AKAP19: variants seen among roughly 807,000 people sequenced by gnomAD.
AKAP19 encodes the protein A-kinase anchoring protein 19.
At chr2:190,148,051 C>T in the AKAP19 span, among the ~76,000 whole-genome samples, 231 of 152,070 alleles carry the variant, frequency 1.5e-3, 2 homozygotes, top group African/African-American at 4.5e-3. Context: ...GTGTTGAAGA[C>T]GAGTGGTGAG....
At chr2:189,980,832 G>C in the AKAP19 span, among the ~76,000 whole-genome samples, 1 of 152,128 alleles carries the variant, frequency 6.6e-6, no homozygotes, top group Non-Finnish European at 1.5e-5. Flanking sequence ...TTGTGGTTTT[G>C]AGAGTTCTTC....
At chr2:189,925,595 G>A in the AKAP19 span, among the ~76,000 whole-genome samples, 1 of 152,102 alleles carries the variant, frequency 6.6e-6, no homozygotes, top group Non-Finnish European at 1.5e-5. Context: ...TCATTTGTGG[G>A]TATGAATCTC....
At chr2:190,081,221 C>T in the AKAP19 span, among the ~76,000 whole-genome samples, 2 of 151,814 alleles carry the variant, frequency 1.3e-5, no homozygotes, top group Non-Finnish European at 2.9e-5. Flanking sequence ...CCCATCCCCC[C>T]ATCCCCTGCC....
At chr2:189,986,766 G>A in the AKAP19 span, among the ~76,000 whole-genome samples, 2 of 152,172 alleles carry the variant, frequency 1.3e-5, no homozygotes, top group East Asian at 1.9e-4. Flanking sequence ...GTCACTTTTA[G>A]TAATGTATTA....
At chr2:190,159,364 G>A in the AKAP19 span, among the ~76,000 whole-genome samples, 7 of 152,142 alleles carry the variant, frequency 4.6e-5, no homozygotes, top group Non-Finnish European at 7.3e-5. Context: ...TATTCTCACC[G>A]TCTATATAAT....
the AKAP19 span, among the ~76,000 whole-genome samples, chr2:189,938,595 T>C: frequency 6.6e-6 from 1 of 152,138 alleles, no homozygotes. Flanking sequence ...GTGGTGGGGA[T>C]GGTTAATGGT....
chr2:190,091,572 A>T, the AKAP19 span, among the ~76,000 whole-genome samples: 4 of 151,512 alleles, frequency 2.6e-5, no homozygotes, highest in African/African-American at 9.8e-5. Flanking sequence ...AAGTAGCCCA[A>T]ATAGAACCAT....
chr2:190,002,518 T>G, the AKAP19 span, among the ~76,000 whole-genome samples: 1 of 152,020 alleles, frequency 6.6e-6, no homozygotes, highest in Non-Finnish European at 1.5e-5. Context: ...ATAGTGCACA[T>G]GTACCCTAAA....
At chr2:190,105,974 A>G in the AKAP19 span, among the ~76,000 whole-genome samples, 24 of 152,378 alleles carry the variant, frequency 1.6e-4, no homozygotes, top group East Asian at 4.6e-3. Flanking sequence ...TGAATGAATG[A>G]GGACTGGAAT....
At chr2:190,117,004 C>T in the AKAP19 span, among the ~76,000 whole-genome samples, 1 of 152,196 alleles carries the variant, frequency 6.6e-6, no homozygotes, top group East Asian at 1.9e-4. Context: ...CATCCCAGCT[C>T]ATGAGACTCA....
chr2:189,935,644 A>T, the AKAP19 span, among the ~76,000 whole-genome samples: 2 of 152,122 alleles, frequency 1.3e-5, no homozygotes, highest in Non-Finnish European at 2.9e-5. Flanking sequence ...TACTGCTTGT[A>T]GCAAATTTAG....
chr2:189,885,524 C>A, the AKAP19 span, among the ~76,000 whole-genome samples: 1 of 152,168 alleles, frequency 6.6e-6, no homozygotes, highest in African/African-American at 2.4e-5. Context: ...CAAGTGAGAA[C>A]CACCCAGCTG....
At chr2:189,975,450 T>G in the AKAP19 span, among the ~76,000 whole-genome samples, 2 of 152,180 alleles carry the variant, frequency 1.3e-5, no homozygotes, top group Admixed American at 6.5e-5. Context: ...AATCTGACAA[T>G]TATGTGTCTT....
At chr2:190,198,340 C>G in the AKAP19 span, among the ~76,000 whole-genome samples, 3 of 152,084 alleles carry the variant, frequency 2.0e-5, no homozygotes, top group African/African-American at 7.2e-5. Flanking sequence ...AAGCTTTTGC[C>G]TTAAGATCAG....
chr2:189,990,951 C>T, the AKAP19 span, among the ~76,000 whole-genome samples: 1 of 152,128 alleles, frequency 6.6e-6, no homozygotes, highest in African/African-American at 2.4e-5. Context: ...TAAGTGAGAA[C>T]ATACAATGTT....
the AKAP19 span, among the ~76,000 whole-genome samples, chr2:189,957,345 C>T: frequency 2.0e-5 from 3 of 152,178 alleles, no homozygotes; most frequent in East Asian, 5.8e-4. Context: ...AGACAAATGA[C>T]ATCCGCTCCA....
the AKAP19 span, among the ~76,000 whole-genome samples, chr2:189,961,667 C>A: frequency 3.3e-5 from 5 of 152,018 alleles, no homozygotes; most frequent in African/African-American, 4.8e-5. Context: ...AATCCCAGCA[C>A]TTTGGGAGGC....
chr2:189,892,377 A>G, the AKAP19 span, among the ~76,000 whole-genome samples: 6 of 151,924 alleles, frequency 3.9e-5, no homozygotes, highest in Non-Finnish European at 8.8e-5. Context: ...GGATTTATCT[A>G]CCTTTGGTCT....
At chr2:190,169,399 G>A in the AKAP19 span, among the ~76,000 whole-genome samples, 1 of 152,140 alleles carries the variant, frequency 6.6e-6, no homozygotes, top group African/African-American at 2.4e-5. Context: ...AGCTGGTGAG[G>A]TGGTCTGAAT....
Sources: gnomAD v4.1 joint callset for allele counts (sites outside exome capture counted in the v4.1 genomes callset) on GRCh38, gnomAD v4.1.1 for gene constraint, MANE v1.5 for transcripts, NCBI Gene and HGNC (gene_info 2026-07-23, HGNC 2026-07-21) for gene names.